The following PLEKHF2 variants were observed in gnomAD, a reference collection of about 807,000 sequenced individuals.
PLEKHF2 encodes pleckstrin homology and FYVE domain containing 2.
PLEKHF2 carries 4 observed loss-of-function variants against 14.7 expected under a neutral mutation model. The observed-to-expected ratio is 0.27, with a 90% CI of 0.13 to 0.62. The LOEUF (loss-of-function observed/expected upper bound fraction) is 0.62, where lower values mean the gene tolerates loss of function less well. Ranked by LOEUF, PLEKHF2 falls within the 20% of genes least tolerant of loss-of-function variation. The probability of loss-of-function intolerance (pLI) is 0.85; values close to 1 mark genes in which losing one functional copy is unlikely to be tolerated. For synonymous variants in PLEKHF2, 90 were observed against 103.5 expected, an observed-to-expected ratio of 0.87 and a Z score of 0.79; for missense variants, 201 against 307.7, an observed-to-expected ratio of 0.65 and a Z score of 2.60.
intron 1 of PLEKHF2, among the ~76,000 whole-genome samples, chr8:95,145,132 T>C: frequency 6.6e-6 from 1 of 152,176 alleles, no homozygotes; most frequent in East Asian, 1.9e-4. Flanking sequence ...ATTTGGTGCC[T>C]ATGAGAGATT....
chr8:95,143,929 G>A (rs1810464120), intron 1 of PLEKHF2, among the ~76,000 whole-genome samples: 2 of 152,172 alleles, frequency 1.3e-5, no homozygotes, highest in South Asian at 4.1e-4. Flanking sequence ...CCAGTCTGCA[G>A]CCCACGGGGT....
intron 1 of PLEKHF2, among the ~76,000 whole-genome samples, chr8:95,144,063 A>G (rs973825785): frequency 1.2e-4 from 18 of 151,536 alleles, no homozygotes; most frequent in African/African-American, 4.4e-4. Flanking sequence ...TTAGCTCATT[A>G]GCTATCATTA....
Position 95,133,939 on chromosome 8 carries a change from G to C in PLEKHF2, c.-106G>C, listed in dbSNP as rs1164285882. On this transcript the variant is annotated 5_prime_UTR_variant, in exon 1 of 2. Coordinates refer to ENST00000315367, the MANE Select transcript of PLEKHF2 (RefSeq NM_024613.4). The stretch of plus-strand genomic sequence containing the variant: ...CACACACCCTGGAAGGCCCCGGCGG[G>C]GAACGGGCAGAGTCCGCGCCCTGCG... The C allele has an allele frequency of 6.6e-6, 1 of 151,590 alleles. No individual in the cohort carries two copies. Among genetic ancestry groups the C allele is most frequent in the East Asian group, 2.0e-4 (1 of 5,050 alleles). 9.4% of individuals were successfully genotyped at this position (151,590 alleles called of 1,614,324 possible).
chr8:95,146,811 T>TA (rs1039578051), intron 1 of PLEKHF2, among the ~76,000 whole-genome samples: 121 of 144,432 alleles, frequency 8.4e-4, no homozygotes, highest in African/African-American at 1.6e-3. Flanking sequence ...GAAGACAACG[T>TA]AAAAAAAAAA....
intron 1 of PLEKHF2, among the ~76,000 whole-genome samples, chr8:95,150,711 G>C (rs576405636): frequency 6.6e-6 from 1 of 152,254 alleles, no homozygotes; most frequent in African/African-American, 2.4e-5. Flanking sequence ...CCTTTCAGGT[G>C]ATTTGTTCAA....
chr8:95,143,007 G>A (rs1359600601), intron 1 of PLEKHF2, among the ~76,000 whole-genome samples: 1 of 151,710 alleles, frequency 6.6e-6, no homozygotes, highest in Non-Finnish European at 1.5e-5. Context: ...ATTGTATTCA[G>A]TTCAGTGCAC....
intron 1 of PLEKHF2, among the ~76,000 whole-genome samples, chr8:95,144,913 G>T (rs1810479852): frequency 6.6e-6 from 1 of 150,700 alleles, no homozygotes; most frequent in Non-Finnish European, 1.5e-5. Flanking sequence ...AAACTGTGAG[G>T]CCGTTTGATA....
intron 1 of PLEKHF2, among the ~76,000 whole-genome samples, chr8:95,138,870 T>G (rs1052842312): frequency 6.6e-6 from 1 of 152,230 alleles, no homozygotes; most frequent in Non-Finnish European, 1.5e-5. Context: ...AAAGCTACAG[T>G]GAACTTCATG....
rs538798045 is a variant in PLEKHF2 at position 95,144,868 on chromosome 8, A to G, written c.-14-9163A>G. 5.9e-4 allele frequency among the ~76,000 whole-genome samples: 59 copies of G among 100,808 alleles called. 2 individuals are homozygous for G. In the South Asian group the frequency reaches 0.014, roughly 24 times the overall value. 66.1% of individuals were successfully genotyped at this position (100,808 alleles called of 152,430 possible). A position where few individuals can be genotyped will look rare whatever the true frequency, so the allele number is the denominator to read the frequency against. On this transcript the variant is annotated intron_variant, in intron 1 of 1. Coordinates refer to ENST00000315367, the MANE Select transcript of PLEKHF2 (RefSeq NM_024613.4). ...GACAAGAGCAAAACTCTGTCTCAAG[A>G]AAAAAAAAAAAAAAAACCCAGAAAA...
chr8:95,145,471 GCT>G (rs1249579257), intron 1 of PLEKHF2, among the ~76,000 whole-genome samples: 2 of 146,912 alleles, frequency 1.4e-5, no homozygotes, highest in Non-Finnish European at 3.0e-5. Flanking sequence ...ATGGAGTGTT[GCT>G]CTGTCACCGA....
At chr8:95,144,857 T>C (rs1810478160) in intron 1 of PLEKHF2, among the ~76,000 whole-genome samples, 1 of 124,728 alleles carries the variant, frequency 8.0e-6, no homozygotes, top group Non-Finnish European at 1.6e-5. Flanking sequence ...AGAGCAAAAC[T>C]CTGTCTCAAG....
rs1177102582 is a variant in PLEKHF2, at chr8:95,154,635, C to T, written c.591C>T (p.Ser197=). Reference sequence around the variant, plus strand: ...AGAGATTTCTTCTTCCCAGCCAGTCCTCTAAGCCTGTGCGGATTTGTGACT... The same window carrying T: ...AGAGATTTCTTCTTCCCAGCCAGTCTTCTAAGCCTGTGCGGATTTGTGACT... ...SEKRFLLPSQ[S]SKPVRICDFC... is the part of the protein sequence containing the mutation. Residue 197 remains serine, a synonymous_variant, in exon 2 of 2, where the codon TCC becomes TCT. Transcript: ENST00000315367. The surrounding 1 kb of genome is among the most constrained non-coding windows in gnomAD (Gnocchi z 5.6). 1.2e-6 allele frequency: 2 copies of T among 1,614,030 alleles called. No individual in the cohort carries two copies. Among genetic ancestry groups the T allele is most frequent in the African/African-American group, 1.3e-5 (1 of 74,898 alleles).
chr8:95,152,337 C>T lies in PLEKHF2; in HGVS notation c.-14-1694C>T, dbSNP rs376842602. The stretch of plus-strand genomic sequence containing the variant: ...TTATCCTTGTATATATCTCTATGCA[C>T]GTGAGTGAAATTTATTTAATTAGAT... On this transcript the variant is annotated intron_variant, in intron 1 of 1. Transcript: ENST00000315367. 3.9e-5 allele frequency among the ~76,000 whole-genome samples: 6 copies of T among 151,986 alleles called. No homozygotes were observed. In the East Asian group the frequency reaches 5.8e-4, roughly 15 times the overall value.
Position 95,145,031 on chromosome 8 carries a change from G to A in PLEKHF2, c.-14-9000G>A, listed in dbSNP as rs115893111. 8.2e-3 allele frequency among the ~76,000 whole-genome samples: 1,255 copies of A among 152,218 alleles called. 19 individuals are homozygous for A. The highest frequency in any genetic ancestry group is 0.029 in the African/African-American group (1,214 of 41,540). ...GAGTATAATGTGAATGTGCTATTAT[G>A]CACATGTGTGGGTGCTGGGTAAATG... is the stretch of plus-strand genomic sequence containing the variant. On this transcript the variant is annotated intron_variant, in intron 1 of 1. Coordinates refer to ENST00000315367, the MANE Select transcript of PLEKHF2 (RefSeq NM_024613.4).
intron 1 of PLEKHF2, among the ~76,000 whole-genome samples, chr8:95,147,905 A>G (rs1810516523): frequency 1.3e-5 from 2 of 152,010 alleles, no homozygotes; most frequent in Admixed American, 1.3e-4. Context: ...GAACTATTAG[A>G]CAAGTCAGAA....
At chr8:95,138,191 A>G (rs1810397660) in intron 1 of PLEKHF2, among the ~76,000 whole-genome samples, 1 of 151,960 alleles carries the variant, frequency 6.6e-6, no homozygotes, top group Non-Finnish European at 1.5e-5. Flanking sequence ...TCCTTTTCTT[A>G]TCCCCAAGTT....
Position 95,154,527 on chromosome 8 carries a change from T to C in PLEKHF2, c.483T>C (p.Cys161=), listed in dbSNP as rs767063449. 6.2e-7 allele frequency: 1 copy of C among 1,614,190 alleles called. No homozygotes were observed. The highest frequency in any genetic ancestry group is 1.1e-5 in the South Asian group (1 of 91,088). ...PDSEATVCMR[C]QKAKFTPVNR... is the part of the protein sequence containing the mutation. ...CTGAGGCAACTGTATGTATGCGTTG[T>C]CAGAAAGCAAAATTCACACCTGTTA... The change falls in exon 2 of 2, where the codon TGT becomes TGC. Residue 161 remains cysteine, a synonymous_variant. Transcript: ENST00000315367. This position sits in a 1 kb window ranked among gnomAD's most constrained non-coding sequence, Gnocchi z 5.6.
At chr8:95,148,682 T>C (rs1262520208) in intron 1 of PLEKHF2, among the ~76,000 whole-genome samples, 1 of 152,116 alleles carries the variant, frequency 6.6e-6, no homozygotes, top group Non-Finnish European at 1.5e-5. Flanking sequence ...TTGATGTATC[T>C]GCTATTATTC....
At chr8:95,145,117 G>A (rs1384501311) in intron 1 of PLEKHF2, among the ~76,000 whole-genome samples, 5 of 151,742 alleles carry the variant, frequency 3.3e-5, no homozygotes, top group African/African-American at 9.7e-5. Context: ...TTCAGTAATA[G>A]GCATATTTGG....
Sources: gnomAD v4.1 joint callset for allele counts (sites outside exome capture counted in the v4.1 genomes callset) on GRCh38, gnomAD v4.1.1 for gene constraint, Gnocchi (gnomAD v3.1) non-coding constraint, MANE v1.5 for transcripts, NCBI Gene and HGNC (gene_info 2026-07-23, HGNC 2026-07-21) for gene names.